RYR3: variants seen among roughly 807,000 people sequenced by gnomAD.
RYR3 encodes the protein ryanodine receptor 3, also known as brain ryanodine receptor-calcium release channel.
RYR3 carries 207 observed loss-of-function variants against 584.3 expected under a neutral mutation model. That is an observed-to-expected ratio of 0.35 (90% CI 0.32 to 0.40). The LOEUF is 0.40. RYR3 is among the 10% of genes least tolerant of loss of function. The pLI is 1.00. For synonymous variants in RYR3, 2,416 were observed against 2,248.5 expected (o/e 1.07, Z -2.11); for missense variants, 5,616 against 6,089.2 (o/e 0.92, Z 2.59).
At chr15:33,742,920 C>T (rs1422530983) in intron 52 of RYR3, among the ~76,000 whole-genome samples, 2 of 152,198 alleles carry the variant, frequency 1.3e-5, no homozygotes, top group Non-Finnish European at 2.9e-5. Flanking sequence ...AACTCCCAGA[C>T]ACTCCCTTAT....
intron 3 of RYR3, among the ~76,000 whole-genome samples, chr15:33,507,495 TG>T (rs1183550622): frequency 6.6e-6 from 1 of 152,202 alleles, no homozygotes; most frequent in Admixed American, 6.5e-5. Flanking sequence ...GATAGATGCT[TG>T]GCACTGTGGC....
At chr15:33,612,312 A>ATTATAT (rs1179507259) in intron 18 of RYR3, among the ~76,000 whole-genome samples, 1 of 152,224 alleles carries the variant, frequency 6.6e-6, no homozygotes, top group East Asian at 1.9e-4. Context: ...CTTATCCGAA[A>ATTATAT]TAATAAAGTT....
intron 1 of RYR3, among the ~76,000 whole-genome samples, chr15:33,445,823 A>C (rs1314977053): frequency 6.6e-6 from 1 of 151,804 alleles, no homozygotes; most frequent in Non-Finnish European, 1.5e-5. Flanking sequence ...TAGGTACTGG[A>C]TTTGTACATT....
intron 58 of RYR3, among the ~76,000 whole-genome samples, chr15:33,755,649 G>GT (rs556490161): frequency 7.5e-4 from 114 of 152,256 alleles, no homozygotes; most frequent in African/African-American, 2.7e-3. Context: ...AAACTCCTTA[G>GT]TTTTTATAGT....
At chr15:33,842,992 TGACAC>T (rs1211726125) in intron 91 of RYR3, among the ~76,000 whole-genome samples, 3 of 152,112 alleles carry the variant, frequency 2.0e-5, no homozygotes, top group Admixed American at 6.5e-5. Context: ...TCCATGTTCA[TGACAC>T]GACACAGTCA....
At chr15:33,313,470 A>G (rs202004839) in intron 1 of RYR3, among the ~76,000 whole-genome samples, 4 of 152,206 alleles carry the variant, frequency 2.6e-5, no homozygotes, top group East Asian at 1.9e-4. Context: ...TTGGAATCCA[A>G]TAGCCATAAG....
intron 1 of RYR3, among the ~76,000 whole-genome samples, chr15:33,435,347 CGTAT>C (rs1455997337): frequency 6.6e-6 from 1 of 152,086 alleles, no homozygotes; most frequent in Non-Finnish European, 1.5e-5. Flanking sequence ...GTGAGTTTCA[CGTAT>C]AGTGATATAT....
intron 1 of RYR3, among the ~76,000 whole-genome samples, chr15:33,339,316 A>G (rs1971521749): frequency 6.6e-6 from 1 of 152,224 alleles, no homozygotes; most frequent in East Asian, 1.9e-4. Flanking sequence ...TTTACGTTTT[A>G]GAAGGAAGAC....
chr15:33,511,427 A>G (rs1012718809), intron 3 of RYR3, among the ~76,000 whole-genome samples: 2 of 150,770 alleles, frequency 1.3e-5, no homozygotes, highest in African/African-American at 4.9e-5. Flanking sequence ...TAAAATATCC[A>G]TTTACTGTTT....
At chr15:33,672,723 G>A (rs1421925068) in intron 38 of RYR3, among the ~76,000 whole-genome samples, 5 of 152,148 alleles carry the variant, frequency 3.3e-5, no homozygotes, top group Non-Finnish European at 4.4e-5. Context: ...ATGCTATTGC[G>A]TATCTGATTT....
chr15:33,644,042 T>A (rs2061969578), intron 27 of RYR3, among the ~76,000 whole-genome samples: 1 of 152,232 alleles, frequency 6.6e-6, no homozygotes, highest in Non-Finnish European at 1.5e-5. Flanking sequence ...TATTTATATC[T>A]TACGAATATT....
intron 1 of RYR3, among the ~76,000 whole-genome samples, chr15:33,381,610 A>G (rs1226508851): frequency 3.9e-5 from 6 of 152,082 alleles, no homozygotes; most frequent in Admixed American, 3.3e-4. Context: ...TCAGGGCTCA[A>G]TTCAGTCCTA....
chr15:33,696,104 A>G (rs2065843585), intron 38 of RYR3, 114 bp from the exon 39 acceptor site: 2 of 1,026,924 alleles, frequency 1.9e-6, no homozygotes, highest in Non-Finnish European at 2.8e-6. Flanking sequence ...CTATAATAAG[A>G]ATTTTGTAAC....
intron 1 of RYR3, among the ~76,000 whole-genome samples, chr15:33,332,820 A>C (rs1970517304): frequency 6.6e-6 from 1 of 152,124 alleles, no homozygotes; most frequent in South Asian, 2.1e-4. Context: ...TACTTAGAAA[A>C]AAATCTGTAT....
At chr15:33,764,387 T>A (rs954488635) in intron 60 of RYR3, among the ~76,000 whole-genome samples, 2 of 151,768 alleles carry the variant, frequency 1.3e-5, no homozygotes, top group Admixed American at 1.3e-4. Flanking sequence ...TGAGAACACA[T>A]AGACACAGAG....
chr15:33,327,194 T>C (rs1253570870), intron 1 of RYR3, among the ~76,000 whole-genome samples: 2 of 152,166 alleles, frequency 1.3e-5, no homozygotes, highest in Non-Finnish European at 2.9e-5. Context: ...TTTGAGAACA[T>C]GTAGAAAACA....
At chr15:33,627,602 A>C (rs543489627) in intron 20 of RYR3, among the ~76,000 whole-genome samples, 1 of 152,320 alleles carries the variant, frequency 6.6e-6, no homozygotes, top group East Asian at 1.9e-4. Context: ...AATTTCAAGA[A>C]GTTTGAAAAG....
intron 18 of RYR3, among the ~76,000 whole-genome samples, chr15:33,612,669 T>C (rs990867829): frequency 6.6e-6 from 1 of 152,216 alleles, no homozygotes; most frequent in African/African-American, 2.4e-5. Flanking sequence ...CTATGTAGCA[T>C]AGTTTAATGG....
At chr15:33,645,198 T>C (rs2062033838) in intron 28 of RYR3, among the ~76,000 whole-genome samples, 1 of 152,140 alleles carries the variant, frequency 6.6e-6, no homozygotes, top group Admixed American at 6.5e-5. Flanking sequence ...ATCCCCATCT[T>C]CTAAGGGGAG....
Sources: gnomAD v4.1 joint callset for allele counts (sites outside exome capture counted in the v4.1 genomes callset) on GRCh38, gnomAD v4.1.1 for gene constraint, MANE v1.5 for transcripts, NCBI Gene and HGNC (gene_info 2026-07-23, HGNC 2026-07-21) for gene names.